The following ANO10 variants were observed in gnomAD, a reference collection of about 807,000 sequenced individuals.
The protein encoded by ANO10 is anoctamin 10.
ANO10 carries 77 observed loss-of-function variants against 74.7 expected under a neutral mutation model. That is an observed-to-expected ratio of 1.03 (90% confidence interval 0.86 to 1.25). The LOEUF (loss-of-function observed/expected upper bound fraction) is 1.25. ANO10 is among the 50% of genes most tolerant of loss of function. ANO10 has a pLI of 0.00. For synonymous variants in ANO10, 279 were observed against 284.9 expected (o/e 0.98, Z 0.21); for missense variants, 721 against 778.1 (o/e 0.93, Z 0.87).
intron 11 of ANO10, among the ~76,000 whole-genome samples, chr3:43,435,109 A>C (rs532690700): frequency 2.6e-5 from 4 of 152,226 alleles, no homozygotes; most frequent in African/African-American, 9.6e-5. Context: ...ACGCTCCTAA[A>C]CTCACCTCGT....
chr3:43,481,341 T>A (rs1299355081), intron 11 of ANO10, among the ~76,000 whole-genome samples: 5 of 152,112 alleles, frequency 3.3e-5, no homozygotes, highest in Non-Finnish European at 7.4e-5. Context: ...GTGAAAAAAA[T>A]GAGTAAAATG....
chr3:43,631,165 A>G (rs2083543891), intron 1 of ANO10, among the ~76,000 whole-genome samples: 2 of 152,218 alleles, frequency 1.3e-5, no homozygotes, highest in South Asian at 2.1e-4. Flanking sequence ...AATTGTCTGC[A>G]TCTTCATTCA....
chr3:43,571,020 C>A (rs1307630147), intron 7 of ANO10, among the ~76,000 whole-genome samples: 1 of 151,074 alleles, frequency 6.6e-6, no homozygotes, highest in Non-Finnish European at 1.5e-5. Context: ...AAAAAGTGGG[C>A]GAAGGACATG....
chr3:43,582,473 C>T (rs1034000632), intron 4 of ANO10, among the ~76,000 whole-genome samples: 2 of 151,892 alleles, frequency 1.3e-5, no homozygotes, highest in Non-Finnish European at 2.9e-5. Context: ...ACAAAGTTTT[C>T]AGTGTAGAAA....
At chr3:43,500,569 T>C (rs1486731028) in intron 11 of ANO10, among the ~76,000 whole-genome samples, 1 of 152,240 alleles carries the variant, frequency 6.6e-6, no homozygotes, top group Non-Finnish European at 1.5e-5. Flanking sequence ...TCAGAGGTAC[T>C]AAAATGTGGG....
Position 43,561,336 on chromosome 3 carries a change from A to G in ANO10, c.1360T>C (p.Trp454Arg), listed in dbSNP as rs1341629704. 1 of 1,614,200 alleles carries G rather than the reference A, an allele frequency of 6.2e-7. No homozygotes were observed. Among genetic ancestry groups the G allele is most frequent in the Non-Finnish European group, 8.5e-7 (1 of 1,180,012 alleles). ...CGCACACCATGCTTCCTTTGGAGCC[A>G]ATAAGGAAGAAAAGATTCCATAATT... ...NQIMESFLPYWLQRKHGVRVK... is the reference protein window; with the variant it reads ...NQIMESFLPYRLQRKHGVRVK... Residue 454 changes from tryptophan to arginine, a missense_variant, in exon 9 of 13, where the codon TGG (tryptophan) becomes CGG (arginine). Trp to Arg is a moderately radical substitution (Grantham distance 101). Transcript: ENST00000292246.
At chr3:43,439,034 A>G (rs1293158560) in intron 11 of ANO10, among the ~76,000 whole-genome samples, 1 of 152,184 alleles carries the variant, frequency 6.6e-6, no homozygotes, top group East Asian at 1.9e-4. Flanking sequence ...TCCAAATTCA[A>G]GAAGCTGAAA....
intron 11 of ANO10, among the ~76,000 whole-genome samples, chr3:43,438,363 G>C (rs936135399): frequency 2.0e-5 from 3 of 151,988 alleles, no homozygotes; most frequent in African/African-American, 7.3e-5. Context: ...AGGATTGCTT[G>C]AAACCAGGAA....
At chr3:43,519,965 A>G (rs2077877621) in intron 11 of ANO10, among the ~76,000 whole-genome samples, 1 of 152,166 alleles carries the variant, frequency 6.6e-6, no homozygotes, top group Admixed American at 6.5e-5. Flanking sequence ...AGGAATAACC[A>G]ATGGCAACCT....
At chr3:43,615,171 T>C (rs141095025) in intron 1 of ANO10, among the ~76,000 whole-genome samples, 1 of 152,280 alleles carries the variant, frequency 6.6e-6, no homozygotes, top group African/African-American at 2.4e-5. Context: ...TGTACATTTT[T>C]ATGTGAATTA....
Sources: gnomAD v4.1 joint callset for allele counts (sites outside exome capture counted in the v4.1 genomes callset) on GRCh38, gnomAD v4.1.1 for gene constraint, MANE v1.5 for transcripts, NCBI Gene and HGNC (gene_info 2026-07-23, HGNC 2026-07-21) for gene names.